FRMD6: variants seen among roughly 807,000 people sequenced by gnomAD.
The protein encoded by FRMD6 is FERM domain containing 6, also known as FERM domain-containing protein 6.
A neutral mutation model predicts 73.2 loss-of-function variants in FRMD6; 37 were observed. The ratio of observed to expected loss-of-function variants is 0.51; its 90% CI spans 0.39 to 0.66. The LOEUF is 0.66. Ranked by LOEUF, FRMD6 falls within the 30% of genes least tolerant of loss-of-function variation. FRMD6 has a pLI of 0.00. For missense variants in FRMD6, 714 were observed against 780.5 expected (o/e 0.91, Z 1.02); for synonymous variants, 273 against 282.2 (o/e 0.97, Z 0.33).
chr14:51,553,816 GA>G (rs1249946635), intron 1 of FRMD6, among the ~76,000 whole-genome samples: 1 of 152,202 alleles, frequency 6.6e-6, no homozygotes. Context: ...CCGAGCGGAT[GA>G]GGGGCAGGCT....
chr14:51,480,161 G>C, the FRMD6 span, among the ~76,000 whole-genome samples: 1 of 152,134 alleles, frequency 6.6e-6, no homozygotes, highest in Non-Finnish European at 1.5e-5. Flanking sequence ...GTAAGAGATG[G>C]AGCCAAGGTG....
At chr14:51,452,860 G>A in the FRMD6 span, among the ~76,000 whole-genome samples, 1 of 152,120 alleles carries the variant, frequency 6.6e-6, no homozygotes, top group Non-Finnish European at 1.5e-5. Context: ...TAGGGTCAAC[G>A]GCAAGGAAGA....
the FRMD6 span, among the ~76,000 whole-genome samples, chr14:51,397,885 C>G: frequency 6.6e-6 from 1 of 152,144 alleles, no homozygotes; most frequent in Non-Finnish European, 1.5e-5. Context: ...AGACTTAGGT[C>G]CCATCCCTGA....
chr14:51,631,452 T>G (rs1383827201), intron 2 of FRMD6, among the ~76,000 whole-genome samples: 3 of 152,232 alleles, frequency 2.0e-5, no homozygotes, highest in African/African-American at 7.2e-5. Flanking sequence ...AAGTAATACT[T>G]TTTATCTTTA....
At chr14:51,520,624 C>T (rs545899166) in intron 1 of FRMD6, among the ~76,000 whole-genome samples, 12 of 152,260 alleles carry the variant, frequency 7.9e-5, no homozygotes, top group South Asian at 2.1e-4. Context: ...AGTAAACTGG[C>T]GAGTACGGTG....
the FRMD6 span, among the ~76,000 whole-genome samples, chr14:51,432,810 A>G: frequency 6.6e-6 from 1 of 152,294 alleles, no homozygotes; most frequent in African/African-American, 2.4e-5. Context: ...CTGAGAAAGC[A>G]GGCAAGTCTA....
intron 1 of FRMD6, among the ~76,000 whole-genome samples, chr14:51,500,498 G>A (rs749233304): frequency 2.0e-5 from 3 of 150,950 alleles, no homozygotes; most frequent in Non-Finnish European, 2.9e-5. Context: ...CAGCCTGGGC[G>A]ACACTGCACT....
chr14:51,581,614 TTA>T (rs1227128288), intron 2 of FRMD6, among the ~76,000 whole-genome samples: 1 of 152,146 alleles, frequency 6.6e-6, no homozygotes, highest in Non-Finnish European at 1.5e-5. Flanking sequence ...ATCACTAAGT[TTA>T]TATGTCTTTA....
chr14:51,490,616 T>TTGTGTG lies in FRMD6; in HGVS notation c.-210+1210_-210+1215dup, dbSNP rs58046471. Among the ~76,000 whole-genome samples, 11 of 148,124 alleles carry TTGTGTG rather than the reference T, an allele frequency of 7.4e-5. No individual in the cohort carries two copies. In the South Asian group the frequency reaches 1.1e-3, roughly 15 times the overall value. ...GTCCTGGACGATATATGTGTGTATT[T>TTGTGTG]TGTGTGTGTGTGTGTGTGTATAAAA... On this transcript the variant is annotated intron_variant, in intron 1 of 14. Coordinates refer to the FRMD6 transcript ENST00000356218.
intron 2 of FRMD6, among the ~76,000 whole-genome samples, chr14:51,611,712 C>T (rs148890070): frequency 2.6e-5 from 4 of 152,286 alleles, no homozygotes; most frequent in Non-Finnish European, 4.4e-5. Flanking sequence ...CACTTGGATA[C>T]GCATAGCACT....
chr14:51,396,481 C>T, the FRMD6 span, among the ~76,000 whole-genome samples: 107 of 152,050 alleles, frequency 7.0e-4, no homozygotes, highest in South Asian at 1.4e-3. Context: ...TACTGTTTAT[C>T]GTGATAATCT....
At chr14:51,606,307 A>G (rs1175511112) in intron 2 of FRMD6, among the ~76,000 whole-genome samples, 2 of 152,224 alleles carry the variant, frequency 1.3e-5, no homozygotes, top group African/African-American at 4.8e-5. Context: ...ACGTACAACA[A>G]GCACACATAT....
intron 12 of FRMD6, among the ~76,000 whole-genome samples, chr14:51,723,875 T>G (rs1897785550): frequency 6.6e-6 from 1 of 151,924 alleles, no homozygotes; most frequent in Admixed American, 6.6e-5. Context: ...TTTAATAACA[T>G]AAGAAGGATA....
At chr14:51,437,053 G>T in the FRMD6 span, 1 of 440,200 alleles carries the variant, frequency 2.3e-6, no homozygotes, top group Non-Finnish European at 4.2e-6. Flanking sequence ...TTGTTACATA[G>T]GTATACATTG....
intron 2 of FRMD6, among the ~76,000 whole-genome samples, chr14:51,584,771 T>C (rs989359405): frequency 2.0e-5 from 3 of 151,980 alleles, no homozygotes; most frequent in Non-Finnish European, 2.9e-5. Flanking sequence ...TTCATACGTG[T>C]CCACTTTCCT....
intron 1 of FRMD6, among the ~76,000 whole-genome samples, chr14:51,656,835 G>A (rs573398686): frequency 1.1e-3 from 170 of 152,290 alleles, no homozygotes; most frequent in South Asian, 2.9e-3. Context: ...TTAATGTGCT[G>A]ATAATTGGGA....
chr14:51,717,920 T>C (rs1024758574), intron 10 of FRMD6, among the ~76,000 whole-genome samples: 1 of 152,216 alleles, frequency 6.6e-6, no homozygotes, highest in Non-Finnish European at 1.5e-5. Context: ...CCTAACTTTA[T>C]TCAACAGCTG....
intron 1 of FRMD6, among the ~76,000 whole-genome samples, chr14:51,506,812 ATT>A (rs36001110): frequency 6.6e-6 from 1 of 152,142 alleles, no homozygotes; most frequent in Non-Finnish European, 1.5e-5. Flanking sequence ...ACCACAGCAC[ATT>A]TTTACCTTAG....
intron 1 of FRMD6, chr14:51,547,941 C>T (rs1370456669): frequency 6.6e-6 from 1 of 150,920 alleles, no homozygotes; most frequent in African/African-American, 2.4e-5. Context: ...GAAACTGTAC[C>T]AACCCAGAGT....
Sources: allele counts gnomAD v4.1 joint callset (sites outside exome capture counted in the v4.1 genomes callset), GRCh38; gene constraint gnomAD v4.1.1; transcripts MANE v1.5; gene names NCBI Gene and HGNC (gene_info 2026-07-23, HGNC 2026-07-21).